FXYD6: variants seen among roughly 807,000 people sequenced by gnomAD.
FXYD6 encodes FXYD domain containing ion transport regulator 6, also known as FXYD domain-containing ion transport regulator 6.
Under a neutral mutation model 16.7 loss-of-function variants are expected in FXYD6, and 7 were observed. The ratio of observed to expected loss-of-function variants is 0.42; its 90% CI spans 0.24 to 0.79. FXYD6 has a LOEUF of 0.79. Among genes scored for constraint, FXYD6 ranks in the 30% least tolerant of loss-of-function variants. FXYD6 has a pLI of 0.28. For synonymous variants in FXYD6, 49 were observed against 43.0 expected, an observed-to-expected ratio of 1.14 and a Z score of -0.54; for missense variants, 111 against 116.2, an observed-to-expected ratio of 0.95 and a Z score of 0.21.
intron 1 of FXYD6, among the ~76,000 whole-genome samples, chr11:117,852,040 A>G (rs753201384): frequency 8.5e-5 from 13 of 152,368 alleles, no homozygotes; most frequent in Middle Eastern, 3.4e-3. Context: ...AGAGAAGCAC[A>G]GGATAAGGAA....
rs1275299249 is a variant in FXYD6, at chr11:117,870,821, C to T, written c.-6+5771G>A. ...GGCCTACACCCCTTCCCATGTAGGG[C>T]TGTCACCAGTGTATGCCCCCATCAC... On this transcript the variant is annotated intron_variant, in intron 1 of 7. Coordinates refer to ENST00000526014, the MANE Select transcript of FXYD6 (RefSeq NM_022003.4). This position sits in a 1 kb window ranked among gnomAD's most constrained non-coding sequence, Gnocchi z 4.2. Among the ~76,000 whole-genome samples the T allele has an allele frequency of 6.6e-6, 1 of 152,172 alleles. No individual in the cohort carries two copies. The highest frequency in any genetic ancestry group is 2.1e-4 in the South Asian group (1 of 4,832).
At position 117,842,759 on chromosome 11, in the gene FXYD6, G is replaced by A. The variant is rs1451171974; in HGVS notation, c.18C>T (p.Val6=). Residue 6 remains valine (V), a synonymous_variant, in exon 2 of 8, where the codon GTC becomes GTT. Coordinates refer to ENST00000526014, the MANE Select transcript of FXYD6 (RefSeq NM_022003.4). MELVL[V]FLCSLLAPMV... is the part of the protein sequence containing the mutation. Reference sequence around the variant, plus strand: ...TGGGGGCCAGCAGGCTGCAGAGGAAGACCAGCACCAACTCCATGGCGTCTG... The same window carrying A: ...TGGGGGCCAGCAGGCTGCAGAGGAAAACCAGCACCAACTCCATGGCGTCTG... The A allele has an allele frequency of 1.3e-6, 2 of 1,568,790 alleles. No individual in the cohort carries two copies. The highest frequency in any genetic ancestry group is 1.7e-6 in the Non-Finnish European group (2 of 1,156,206).
intron 1 of FXYD6, among the ~76,000 whole-genome samples, chr11:117,873,290 G>A (rs2057179414): frequency 6.6e-6 from 1 of 152,166 alleles, no homozygotes; most frequent in Non-Finnish European, 1.5e-5. Flanking sequence ...GAGAGAAAAG[G>A]GATCTCTTTC....
At chr11:117,871,303 C>A (rs1004386534) in intron 1 of FXYD6, among the ~76,000 whole-genome samples, 1 of 152,184 alleles carries the variant, frequency 6.6e-6, no homozygotes, top group Non-Finnish European at 1.5e-5. Context: ...CCGGGAAGGG[C>A]GACTAGGTGT....
intron 6 of FXYD6, 125 bp downstream of exon 6, chr11:117,840,194 C>T: frequency 7.8e-6 from 10 of 1,283,782 alleles, no homozygotes; most frequent in Non-Finnish European, 1.1e-5. Context: ...CCTGGAGACC[C>T]ACTCTCCTGG....
At chr11:117,843,531 AAT>A (rs2056406330) in intron 1 of FXYD6, 1 of 152,170 alleles carries the variant, frequency 6.6e-6, no homozygotes, top group African/African-American at 2.4e-5. Context: ...AATGTCTCTT[AAT>A]ATCAGACTAA....
chr11:117,846,835 C>G (rs2056481149), intron 1 of FXYD6, among the ~76,000 whole-genome samples: 1 of 152,140 alleles, frequency 6.6e-6, no homozygotes, highest in South Asian at 2.1e-4. Context: ...CTTCCCTCTC[C>G]TCCTCTTTCT....
At chr11:117,875,246 G>A (rs946829365) in intron 1 of FXYD6, among the ~76,000 whole-genome samples, 1 of 152,046 alleles carries the variant, frequency 6.6e-6, no homozygotes, top group African/African-American at 2.4e-5. Flanking sequence ...TGGTGTGAGT[G>A]TGAGGGTGTG....
At chr11:117,862,762 T>A (rs929225880) in intron 1 of FXYD6, among the ~76,000 whole-genome samples, 4 of 152,314 alleles carry the variant, frequency 2.6e-5, no homozygotes, top group Non-Finnish European at 5.9e-5. Context: ...GTGCTGTTCC[T>A]AAGATGGCCC....
At chr11:117,860,394 G>C (rs1408342221) in intron 1 of FXYD6, among the ~76,000 whole-genome samples, 1 of 152,122 alleles carries the variant, frequency 6.6e-6, no homozygotes, top group Admixed American at 6.5e-5. Context: ...AGAGCTCTGC[G>C]CAGAGAGCCA....
intron 1 of FXYD6, among the ~76,000 whole-genome samples, chr11:117,859,640 C>A (rs2056857997): frequency 6.6e-6 from 1 of 152,140 alleles, no homozygotes; most frequent in Non-Finnish European, 1.5e-5. Context: ...TTCATGAAAT[C>A]CAAGAACTAA....
In FXYD6 at chr11:117,842,749, TG is replaced by T. The variant is rs2056381439; in HGVS notation, c.27del (p.Cys9Ter). On this transcript the variant is annotated frameshift_variant, in exon 2 of 8. Coordinates refer to ENST00000526014, the MANE Select transcript of FXYD6 (RefSeq NM_022003.4). LOFTEE classifies it high-confidence loss of function. Reference protein sequence around the residue: MELVLVFLCSLLAPMVLAS... With the variant: MELVLVFLXSLLAPMVLAS... Reference sequence around the variant, plus strand: ...GCCAGGACCATGGGGGCCAGCAGGCTGCAGAGGAAGACCAGCACCAACTCCA... The same window carrying T: ...GCCAGGACCATGGGGGCCAGCAGGCTCAGAGGAAGACCAGCACCAACTCCA... 1 of 1,569,994 alleles carries T rather than the reference TG, an allele frequency of 6.4e-7. No individual in the cohort carries two copies. Among genetic ancestry groups the T allele is most frequent in the Non-Finnish European group, 8.6e-7 (1 of 1,156,832 alleles).
intron 1 of FXYD6, among the ~76,000 whole-genome samples, chr11:117,859,731 C>G (rs998255608): frequency 1.3e-5 from 2 of 152,174 alleles, no homozygotes; most frequent in Admixed American, 6.5e-5. Flanking sequence ...ACTGTCCTCC[C>G]CCTATTTTCC....
At position 117,839,733 on chromosome 11, in the gene FXYD6, G is replaced by A. The variant is rs763507119; in HGVS notation, c.*21+48C>T. The A allele has an allele frequency of 6.8e-6, 11 of 1,610,672 alleles. No homozygotes were observed. The East Asian group carries it at 2.2e-4, about 33-fold the overall frequency. On this transcript the variant is annotated intron_variant, in intron 7 of 7. Transcript: ENST00000526014. ...CCTGAACCCCTGTCCAGGCCCTGAT[G>A]CAGACGGTGATGGCAACAGGGGCCA...
chr11:117,863,189 C>T (rs915839180), intron 1 of FXYD6, among the ~76,000 whole-genome samples: 1 of 152,210 alleles, frequency 6.6e-6, no homozygotes, highest in Admixed American at 6.5e-5. Context: ...TGGTGCCATG[C>T]ACCTTCCACT....
intron 1 of FXYD6, among the ~76,000 whole-genome samples, chr11:117,857,719 T>A (rs1280053845): frequency 6.6e-6 from 1 of 152,168 alleles, no homozygotes; most frequent in Non-Finnish European, 1.5e-5. Flanking sequence ...GGTGGAATAT[T>A]TATATTCCTA....
chr11:117,864,290 A>G (rs1434799481), intron 1 of FXYD6, among the ~76,000 whole-genome samples: 1 of 152,226 alleles, frequency 6.6e-6, no homozygotes, highest in Non-Finnish European at 1.5e-5. Context: ...TAACCCTCAC[A>G]TATGTGGTCA....
At chr11:117,860,567 G>C (rs755519956) in intron 1 of FXYD6, among the ~76,000 whole-genome samples, 3 of 152,176 alleles carry the variant, frequency 2.0e-5, no homozygotes, top group African/African-American at 7.2e-5. Flanking sequence ...CTGTTTACTC[G>C]GGTGGGGGAT....
intron 1 of FXYD6, among the ~76,000 whole-genome samples, chr11:117,850,559 T>C (rs1316722811): frequency 2.6e-5 from 4 of 152,272 alleles, no homozygotes; most frequent in South Asian, 2.1e-4. Flanking sequence ...ATTGTGACTA[T>C]TGATGTAGTT....
Sources: gnomAD v4.1 joint callset for allele counts (sites outside exome capture counted in the v4.1 genomes callset) on GRCh38, gnomAD v4.1.1 for gene constraint, Gnocchi (gnomAD v3.1) non-coding constraint, MANE v1.5 for transcripts, NCBI Gene and HGNC (gene_info 2026-07-23, HGNC 2026-07-21) for gene names.